Variants in INTS12 observed in about 807,000 individuals in gnomAD.
INTS12 encodes PHD finger protein 22.
In INTS12, 13 loss-of-function variants were observed where a neutral mutation model predicts 41.6. That is an observed-to-expected ratio of 0.31 (90% CI 0.20 to 0.50). INTS12 has a LOEUF of 0.50. INTS12 is among the 20% of genes least tolerant of loss of function. The probability of loss-of-function intolerance (pLI) is 0.98; values close to 1 mark genes in which losing one functional copy is unlikely to be tolerated. For missense variants in INTS12, 432 were observed against 541.6 expected, an observed-to-expected ratio of 0.80 and a Z score of 2.01; for synonymous variants, 199 against 191.4, an observed-to-expected ratio of 1.04 and a Z score of -0.33.
At chr4:105,703,838 G>C (rs1732169665) in intron 1 of INTS12, 29 bp from the exon 2 acceptor site, 2 of 152,172 alleles carry the variant, frequency 1.3e-5, no homozygotes, top group South Asian at 4.1e-4. Flanking sequence ...CTGTCAGAGA[G>C]GAATTAAGTC....
At chr4:105,700,111 T>C in intron 2 of INTS12, 97 bp from the exon 3 acceptor site, 2 of 701,052 alleles carry the variant, frequency 2.9e-6, no homozygotes, top group Non-Finnish European at 4.2e-6. Flanking sequence ...TAGATAATAC[T>C]GTACACATGA....
At chr4:105,684,891 G>A (rs1187788609) in intron 7 of INTS12, among the ~76,000 whole-genome samples, 2 of 152,034 alleles carry the variant, frequency 1.3e-5, no homozygotes, top group African/African-American at 2.4e-5. Context: ...CCAACACTTA[G>A]GAAGTACAAG....
rs187500974 is a variant in INTS12 at position 105,700,287 on chromosome 4, C to G, written c.-9-273G>C. On this transcript the variant is annotated intron_variant, in intron 2 of 7. Transcript: ENST00000340139. ...TTAAATCCAGGTAGGCCTCTCCCTG[C>G]CACAGAACTCCTTCCTAACTGTGTT... The G allele has an allele frequency of 5.5e-5, 11 of 200,688 alleles. No individual in the cohort carries two copies. The East Asian group carries it at 1.2e-3, about 22-fold the overall frequency. 12.4% of individuals were successfully genotyped at this position (200,688 alleles called of 1,614,324 possible).
In INTS12 at chr4:105,691,958, G is replaced by A; in HGVS notation, c.657+18C>T. The A allele has an allele frequency of 6.7e-7, 1 of 1,492,846 alleles. No homozygotes were observed. The allele number at this position is 1,492,846 out of a possible 1,614,324, so 92.5% of individuals were successfully genotyped here. A position where few individuals can be genotyped will look rare whatever the true frequency, so the allele number is the denominator to read the frequency against. On this transcript the variant is annotated intron_variant, in intron 6 of 7. Coordinates refer to ENST00000340139, the MANE Select transcript of INTS12 (RefSeq NM_020395.4). ...ACATTGACAGACTGTTTAAAATAAA[G>A]AAAAATATGATTCCTACCATTCTTT...
Position 105,708,661 on chromosome 4 carries a change from C to A in INTS12, c.-195G>T. On this transcript the variant is annotated 5_prime_UTR_variant, in exon 1 of 8. Coordinates refer to ENST00000340139, the MANE Select transcript of INTS12 (RefSeq NM_020395.4). Reference sequence around the variant, plus strand: ...ACCGTTCCGCCCCGCCCTGCCGATCCGTCTGTTCCCGGTGGTCCCTTCGGA... The same window carrying A: ...ACCGTTCCGCCCCGCCCTGCCGATCAGTCTGTTCCCGGTGGTCCCTTCGGA... 51 of 947,158 alleles carry A rather than the reference C, an allele frequency of 5.4e-5. No homozygotes were observed. The highest frequency in any genetic ancestry group is 6.4e-5 in the Non-Finnish European group (51 of 795,104). 58.7% of individuals were successfully genotyped at this position (947,158 alleles called of 1,614,324 possible). A position where few individuals can be genotyped will look rare whatever the true frequency, so the allele number is the denominator to read the frequency against.
At chr4:105,691,556 T>C (rs1430982456) in intron 6 of INTS12, among the ~76,000 whole-genome samples, 1 of 152,222 alleles carries the variant, frequency 6.6e-6, no homozygotes, top group Admixed American at 6.5e-5. Flanking sequence ...ATATCGCCTC[T>C]GTACACATCT....
intron 6 of INTS12, among the ~76,000 whole-genome samples, chr4:105,690,619 T>C (rs574193058): frequency 3.9e-5 from 6 of 152,154 alleles, no homozygotes; most frequent in Non-Finnish European, 8.8e-5. Flanking sequence ...CTATAGACTA[T>C]CTAGTTAGCT....
intron 5 of INTS12, among the ~76,000 whole-genome samples, chr4:105,692,680 T>C (rs1019216355): frequency 3.9e-5 from 6 of 152,174 alleles, no homozygotes; most frequent in Non-Finnish European, 8.8e-5. Flanking sequence ...ATTTGGCTAT[T>C]TTCTCGTCAT....
intron 3 of INTS12, among the ~76,000 whole-genome samples, chr4:105,697,761 G>C (rs901182676): frequency 6.6e-6 from 1 of 152,088 alleles, no homozygotes; most frequent in Admixed American, 6.5e-5. Context: ...ACTTAAAAAT[G>C]TGTGGTGGGC....
At chr4:105,707,898 T>C in intron 1 of INTS12, 1 of 902,064 alleles carries the variant, frequency 1.1e-6, no homozygotes, top group East Asian at 1.2e-4. Flanking sequence ...TGCTTTCTCC[T>C]AGATCCATTT....
intron 3 of INTS12, among the ~76,000 whole-genome samples, chr4:105,699,202 C>T (rs1262996755): frequency 6.6e-6 from 1 of 152,158 alleles, no homozygotes; most frequent in Admixed American, 6.5e-5. Context: ...CTTAAAGGAT[C>T]ATTATCATAA....
At chr4:105,707,501 A>G (rs1732328789) in intron 1 of INTS12, among the ~76,000 whole-genome samples, 1 of 152,116 alleles carries the variant, frequency 6.6e-6, no homozygotes, top group Non-Finnish European at 1.5e-5. Context: ...CTTCTACACA[A>G]TTGTAGCCAT....
intron 2 of INTS12, among the ~76,000 whole-genome samples, chr4:105,700,667 AAAGT>A (rs1244437046): frequency 1.3e-5 from 2 of 149,388 alleles, no homozygotes. Flanking sequence ...CCTATTTTTA[AAAGT>A]AAGGTCTCTG....
rs1057114530 is a variant in INTS12 at position 105,695,769 on chromosome 4, T to C, written c.157-101A>G. On this transcript the variant is annotated intron_variant, in intron 3 of 7. Coordinates refer to ENST00000340139, the MANE Select transcript of INTS12 (RefSeq NM_020395.4). ...ATTTTCAGTTAAAAATTAAGACATT[T>C]CATTATAACCAATGTAATATTCCTT... 10 of 903,070 alleles carry C rather than the reference T, an allele frequency of 1.1e-5. No homozygotes were observed. In the East Asian group the frequency reaches 2.6e-4, roughly 24 times the overall value. The allele number at this position is 903,070 out of a possible 1,614,324, so 55.9% of individuals were successfully genotyped here.
chr4:105,687,912 C>T (rs1731552066), intron 6 of INTS12, among the ~76,000 whole-genome samples: 1 of 152,060 alleles, frequency 6.6e-6, no homozygotes, highest in African/African-American at 2.4e-5. Context: ...GAGATCGCAC[C>T]ACTGCCCTCC....
intron 3 of INTS12, among the ~76,000 whole-genome samples, chr4:105,697,918 C>T (rs1430594569): frequency 6.6e-6 from 1 of 152,050 alleles, no homozygotes; most frequent in Non-Finnish European, 1.5e-5. Flanking sequence ...AGCATGGTGG[C>T]ATGCACCTGT....
chr4:105,707,871 A>G (rs1732352047), intron 1 of INTS12: 1 of 714,468 alleles, frequency 1.4e-6, no homozygotes, highest in Admixed American at 6.3e-5. Context: ...GGGCATTCAT[A>G]TATAAATATA....
intron 1 of INTS12, among the ~76,000 whole-genome samples, chr4:105,707,317 T>C (rs1369913765): frequency 1.8e-5 from 2 of 111,602 alleles, no homozygotes; most frequent in African/African-American, 6.0e-5. Flanking sequence ...CCTTGAAGCA[T>C]TTTTTTTTTT....
At position 105,682,866 on chromosome 4, in the gene INTS12, T is replaced by C. The variant is rs1731362499; in HGVS notation, c.1256A>G (p.Lys419Arg). The change falls in exon 8 of 8, where the codon AAA (lysine) becomes AGA (arginine). Residue 419 changes from lysine to arginine, a missense_variant. Physicochemically the swap from Lys to Arg is conservative, Grantham distance 26. This residue lies in a region of INTS12 where 258 missense variants were observed against 309.9 expected (regional missense o/e 0.83). Transcript: ENST00000340139. ...AGAGCTGCTGGATTCTGAAGTAGTT[T>C]TGCTGGTAGTACTTCCACTAGGTCC... ...TSGPSGSTTS[K>R]TTSESSSSPS... 2 of 1,614,084 alleles carry C rather than the reference T, an allele frequency of 1.2e-6. No individual in the cohort carries two copies. Among genetic ancestry groups the C allele is most frequent in the Non-Finnish European group, 1.7e-6 (2 of 1,179,954 alleles).
Sources: allele counts gnomAD v4.1 joint callset (sites outside exome capture counted in the v4.1 genomes callset), GRCh38; gene constraint gnomAD v4.1.1; regional missense constraint gnomAD v4.1.1; transcripts MANE v1.5; gene names NCBI Gene and HGNC (gene_info 2026-07-23, HGNC 2026-07-21).